HPSE2: variants seen among roughly 807,000 people sequenced by gnomAD.
HPSE2 encodes inactive heparanase-2.
A neutral mutation model predicts 60.5 loss-of-function variants in HPSE2; 38 were observed. The observed-to-expected ratio is 0.63, with a 90% CI of 0.48 to 0.82. The LOEUF is 0.82. Ranked by LOEUF, HPSE2 falls within the 40% of genes least tolerant of loss-of-function variation. The pLI, the probability that HPSE2 is intolerant of heterozygous loss-of-function variation, is 0.00. For missense variants in HPSE2, 713 were observed against 740.4 expected, an observed-to-expected ratio of 0.96 and a Z score of 0.43; for synonymous variants, 295 against 293.2, an observed-to-expected ratio of 1.01 and a Z score of -0.06.
chr10:98,483,463 T>G (rs1043190519), intron 10 of HPSE2, among the ~76,000 whole-genome samples: 1 of 152,226 alleles, frequency 6.6e-6, no homozygotes, highest in Non-Finnish European at 1.5e-5. Context: ...GTGTATAAAC[T>G]TTTTGATTAT....
the HPSE2 span, among the ~76,000 whole-genome samples, chr10:99,259,668 G>A: frequency 3.8e-3 from 583 of 152,232 alleles, 3 homozygotes; most frequent in African/African-American, 8.7e-3. Context: ...AATGGACTAG[G>A]TAAACACTCT....
intron 3 of HPSE2, among the ~76,000 whole-genome samples, chr10:98,904,893 T>C (rs1329326007): frequency 6.6e-6 from 1 of 152,226 alleles, no homozygotes; most frequent in Non-Finnish European, 1.5e-5. Flanking sequence ...CTCAGTGTAA[T>C]ATACCAGAGT....
At chr10:98,646,739 C>G (rs1946779560) in intron 6 of HPSE2, among the ~76,000 whole-genome samples, 1 of 152,148 alleles carries the variant, frequency 6.6e-6, no homozygotes. Flanking sequence ...AGTTCCAGTA[C>G]AATAATCTTC....
At chr10:98,606,256 G>A (rs1945582916) in intron 9 of HPSE2, among the ~76,000 whole-genome samples, 1 of 152,206 alleles carries the variant, frequency 6.6e-6, no homozygotes, top group South Asian at 2.1e-4. Context: ...CAAGAGTTGA[G>A]TACAGAGGAG....
rs542544847 is a variant in HPSE2 at position 98,718,590 on chromosome 10, G to A, written c.956+3067C>T. ...AAGAAAATGTAGTATATATACACAT[G>A]GAATACTATTCAGCCATAAAAAGAG... On this transcript the variant is annotated intron_variant, in intron 5 of 11. Transcript: ENST00000370552. 6.6e-5 allele frequency among the ~76,000 whole-genome samples: 10 copies of A among 152,202 alleles called. No homozygotes were observed. The South Asian group carries it at 2.1e-3, about 32-fold the overall frequency.
At chr10:98,897,293 T>C (rs370719290) in intron 3 of HPSE2, among the ~76,000 whole-genome samples, 10 of 152,266 alleles carry the variant, frequency 6.6e-5, no homozygotes, top group African/African-American at 2.4e-4. Context: ...AAGAAGTTAT[T>C]CGTGTAACCA....
the HPSE2 span, among the ~76,000 whole-genome samples, chr10:99,281,102 A>C: frequency 6.6e-6 from 1 of 150,664 alleles, no homozygotes; most frequent in East Asian, 1.9e-4. Flanking sequence ...TGCCTATATT[A>C]ATATATAACA....
intron 6 of HPSE2, among the ~76,000 whole-genome samples, chr10:98,689,616 C>T (rs1168856050): frequency 1.3e-5 from 2 of 152,154 alleles, no homozygotes; most frequent in African/African-American, 2.4e-5. Context: ...TGCTTATCCT[C>T]TTCATCATGG....
intron 9 of HPSE2, among the ~76,000 whole-genome samples, chr10:98,507,579 A>G (rs931040762): frequency 1.3e-5 from 2 of 151,992 alleles, no homozygotes; most frequent in African/African-American, 4.8e-5. Flanking sequence ...TCTTAGCTCC[A>G]TGTACCATTT....
intron 3 of HPSE2, among the ~76,000 whole-genome samples, chr10:98,781,334 T>C (rs1038667840): frequency 2.1e-5 from 3 of 142,852 alleles, no homozygotes; most frequent in African/African-American, 7.8e-5. Context: ...TGGAGTAAGA[T>C]AGGCTTTCCT....
intron 3 of HPSE2, among the ~76,000 whole-genome samples, chr10:98,852,155 GTGTGTGTGTGTA>G (rs1267880996): frequency 1.7e-4 from 22 of 130,976 alleles, no homozygotes; most frequent in African/African-American, 6.8e-4. Context: ...GTGTGTGTGT[GTGTGTGTGTGTA>G]TATATGTTTG....
intron 5 of HPSE2, among the ~76,000 whole-genome samples, chr10:98,706,026 C>T (rs894919839): frequency 6.6e-6 from 1 of 152,086 alleles, no homozygotes; most frequent in African/African-American, 2.4e-5. Flanking sequence ...TCATAAAATG[C>T]TTTTCAGTTT....
At chr10:98,678,472 C>T (rs1947703910) in intron 6 of HPSE2, among the ~76,000 whole-genome samples, 2 of 152,166 alleles carry the variant, frequency 1.3e-5, no homozygotes, top group Admixed American at 1.3e-4. Flanking sequence ...CTGCATTTCT[C>T]ACAGGTTCTC....
At chr10:98,558,875 G>A (rs1944089772) in intron 9 of HPSE2, among the ~76,000 whole-genome samples, 1 of 152,224 alleles carries the variant, frequency 6.6e-6, no homozygotes, top group East Asian at 1.9e-4. Context: ...GTTCATAGTG[G>A]CTTACTTCTA....
rs1846339928 is a variant in HPSE2 at position 99,152,956 on chromosome 10, G to T, written c.449-8557C>A. ...TCACTTGGGAAGCGCAAGGGGTCAG[G>T]GAGTTCCCTTTCCGAGTCAAAGAAA... On this transcript the variant is annotated intron_variant, in intron 2 of 11. Transcript: ENST00000370552. Among the ~76,000 whole-genome samples, 3 of 152,240 alleles carry T rather than the reference G, an allele frequency of 2.0e-5. No homozygotes were observed. In the South Asian group the frequency reaches 6.2e-4, roughly 32 times the overall value.
rs5787319 is a variant in HPSE2, at chr10:99,011,754, CA to C, written c.610+132483del. 5.5e-4 allele frequency among the ~76,000 whole-genome samples: 51 copies of C among 93,092 alleles called. 1 individual carries two copies. Among genetic ancestry groups the C allele is most frequent in the African/African-American group, 1.9e-3 (42 of 22,354 alleles). The allele number at this position is 93,092 out of a possible 152,430, so 61.1% of individuals were successfully genotyped here. A position where few individuals can be genotyped will look rare whatever the true frequency, so the allele number is the denominator to read the frequency against. On this transcript the variant is annotated intron_variant, in intron 3 of 11. Coordinates refer to ENST00000370552, the MANE Select transcript of HPSE2 (RefSeq NM_021828.5). The stretch of plus-strand genomic sequence containing the variant: ...CTGGCGACAGAGCAAGACTCCATCT[CA>C]AAAAAAAAAAAAAAAAAAATGCTCT...
At chr10:98,633,637 T>A (rs1392499248) in intron 7 of HPSE2, among the ~76,000 whole-genome samples, 14 of 152,140 alleles carry the variant, frequency 9.2e-5, no homozygotes, top group Admixed American at 9.2e-4. Flanking sequence ...CAGTGAGTCT[T>A]CTGTTATGTT....
chr10:98,460,794 A>G (rs894232544), intron 11 of HPSE2, among the ~76,000 whole-genome samples: 41 of 152,222 alleles, frequency 2.7e-4, no homozygotes, highest in African/African-American at 9.9e-4. Flanking sequence ...CAAACTTAGA[A>G]AAGAGAAACA....
At chr10:99,171,774 G>C (rs145572857) in intron 2 of HPSE2, among the ~76,000 whole-genome samples, 1 of 152,054 alleles carries the variant, frequency 6.6e-6, no homozygotes, top group African/African-American at 2.4e-5. Flanking sequence ...AAGTATTTAG[G>C]CCTTGGATTA....
Sources: allele counts gnomAD v4.1 joint callset (sites outside exome capture counted in the v4.1 genomes callset), GRCh38; gene constraint gnomAD v4.1.1; transcripts MANE v1.5; gene names NCBI Gene and HGNC (gene_info 2026-07-23, HGNC 2026-07-21).